FRMPD1: variants seen among roughly 807,000 people sequenced by gnomAD.
The protein encoded by FRMPD1 is FERM and PDZ domain containing 1.
Under a neutral mutation model 117.8 loss-of-function variants are expected in FRMPD1, and 76 were observed. The ratio of observed to expected loss-of-function variants is 0.65; its 90% CI spans 0.54 to 0.78. The LOEUF is 0.78. Ranked by LOEUF, FRMPD1 falls within the 30% of genes least tolerant of loss-of-function variation. The probability of loss-of-function intolerance (pLI) is 0.00; values close to 1 mark genes in which losing one functional copy is unlikely to be tolerated. For missense variants in FRMPD1, 1,786 were observed against 1,964.5 expected (o/e 0.91, Z 1.72); for synonymous variants, 783 against 770.4 (o/e 1.02, Z -0.27).
chr9:37,708,970 G>T (rs556440225), intron 4 of FRMPD1, among the ~76,000 whole-genome samples: 2 of 152,226 alleles, frequency 1.3e-5, no homozygotes, highest in Admixed American at 6.5e-5. Flanking sequence ...CATTGATGTA[G>T]CACCTCCAAA....
chr9:37,743,619 C>T (rs1483052309), intron 15 of FRMPD1, among the ~76,000 whole-genome samples: 1 of 138,386 alleles, frequency 7.2e-6, no homozygotes, highest in African/African-American at 2.6e-5. Flanking sequence ...GTGGACAGAG[C>T]ATCTTCGTGA....
In FRMPD1 at chr9:37,731,834, C is replaced by A. The variant is rs1588965393; in HGVS notation, c.859-470C>A. 2.0e-5 allele frequency among the ~76,000 whole-genome samples: 3 copies of A among 151,814 alleles called. 1 individual carries two copies. The Middle Eastern group carries it at 0.01, about 516-fold the overall frequency. ...TTTGCATTGAGCCAAGATCATGCCA[C>A]TGCACTCCAGCCTGGGTGACAGAGC... On this transcript the variant is annotated intron_variant, in intron 9 of 15. Transcript: ENST00000377765.
At chr9:37,685,426 A>G (rs549894737) in intron 1 of FRMPD1, among the ~76,000 whole-genome samples, 159 of 152,166 alleles carry the variant, frequency 1.0e-3, no homozygotes, top group African/African-American at 1.3e-3. Flanking sequence ...GGCGGATCAC[A>G]AAGTCAGGAG....
intron 1 of FRMPD1, among the ~76,000 whole-genome samples, chr9:37,655,604 A>G (rs903232758): frequency 1.3e-5 from 2 of 149,628 alleles, no homozygotes; most frequent in African/African-American, 4.9e-5. Flanking sequence ...CCCGGGTTCA[A>G]GCAATTGCCC....
intron 15 of FRMPD1, among the ~76,000 whole-genome samples, chr9:37,742,487 T>G (rs1291675648): frequency 6.6e-6 from 1 of 152,258 alleles, no homozygotes; most frequent in East Asian, 1.9e-4. Context: ...GGCCCCTGAC[T>G]GACTATTGGA....
At chr9:37,653,022 G>T (rs774824260) in intron 1 of FRMPD1, among the ~76,000 whole-genome samples, 2 of 150,758 alleles carry the variant, frequency 1.3e-5, no homozygotes, top group Non-Finnish European at 3.0e-5. Flanking sequence ...GCAAGGAACT[G>T]GTGAGAGCTG....
intron 1 of FRMPD1, among the ~76,000 whole-genome samples, chr9:37,667,034 A>G (rs554186552): frequency 6.8e-6 from 1 of 147,968 alleles, no homozygotes; most frequent in African/African-American, 2.5e-5. Flanking sequence ...CTGGGGAGAC[A>G]TGGGAAAAGA....
intron 1 of FRMPD1, among the ~76,000 whole-genome samples, chr9:37,654,222 G>T (rs1248898218): frequency 6.6e-6 from 1 of 152,220 alleles, no homozygotes; most frequent in Non-Finnish European, 1.5e-5. Flanking sequence ...ACTACAGGTT[G>T]TGCCAAAGGC....
At chr9:37,611,510 AT>A in the FRMPD1 span, among the ~76,000 whole-genome samples, 2 of 152,252 alleles carry the variant, frequency 1.3e-5, no homozygotes, top group African/African-American at 4.8e-5. Flanking sequence ...ATCACTAAAA[AT>A]GTCTTGTGCA....
chr9:37,616,141 CAG>C, the FRMPD1 span, among the ~76,000 whole-genome samples: 8 of 78,054 alleles, frequency 1.0e-4, no homozygotes, highest in South Asian at 3.3e-3. Flanking sequence ...TTTTTTTTGA[CAG>C]AGTCTTACTC....
chr9:37,723,585 T>C (rs1161945837), intron 6 of FRMPD1, among the ~76,000 whole-genome samples: 3 of 152,212 alleles, frequency 2.0e-5, no homozygotes, highest in Non-Finnish European at 4.4e-5. Context: ...AGGCCAGGCA[T>C]GGTGGCTCAC....
At chr9:37,712,991 A>T (rs1432426499) in intron 5 of FRMPD1, among the ~76,000 whole-genome samples, 5 of 151,952 alleles carry the variant, frequency 3.3e-5, no homozygotes, top group Admixed American at 1.3e-4. Context: ...TGACATATAT[A>T]AAAAAATAAC....
At chr9:37,743,925 C>T (rs147570009) in intron 15 of FRMPD1, among the ~76,000 whole-genome samples, 153 of 150,218 alleles carry the variant, frequency 1.0e-3, no homozygotes, top group African/African-American at 3.6e-3. Flanking sequence ...GTCGGCCAGG[C>T]GCGGTGGCTC....
At chr9:37,611,377 G>A in the FRMPD1 span, among the ~76,000 whole-genome samples, 2 of 152,130 alleles carry the variant, frequency 1.3e-5, no homozygotes, top group Non-Finnish European at 2.9e-5. Flanking sequence ...CAAAGGACTC[G>A]AAATCTCCCA....
chr9:37,651,355 A>G (rs907907302), intron 1 of FRMPD1, among the ~76,000 whole-genome samples: 1 of 152,164 alleles, frequency 6.6e-6, no homozygotes, highest in African/African-American at 2.4e-5. Context: ...TAGTGAGTGG[A>G]AACAGCGGCA....
chr9:37,727,245 C>T (rs1420073520), intron 7 of FRMPD1, among the ~76,000 whole-genome samples: 1 of 152,108 alleles, frequency 6.6e-6, no homozygotes, highest in African/African-American at 2.4e-5. Context: ...ATGCCCAGTA[C>T]AAGGCTTAGA....
Position 37,740,570 on chromosome 9 carries a change from A to G in FRMPD1, c.2042A>G (p.Glu681Gly). ...GAGTTTTCCGAGAGTGCTGCTTTGG[A>G]GACATTTGGCTGGGCACCAGAACTG... is the stretch of plus-strand genomic sequence containing the variant. ...KTEFSESAALETFGWAPELST... is the reference protein window; with the variant it reads ...KTEFSESAALGTFGWAPELST... Residue 681 changes from glutamate (E) to glycine (G), a missense_variant, in exon 15 of 16, where the codon GAG becomes GGG. Physicochemically the swap from Glu to Gly is moderately conservative, Grantham distance 98. Transcript: ENST00000377765. This position sits in a 1 kb window ranked among gnomAD's most constrained non-coding sequence, Gnocchi z 4.2. 1 of 1,614,148 alleles carries G rather than the reference A, an allele frequency of 6.2e-7. No individual in the cohort carries two copies. Among genetic ancestry groups the G allele is most frequent in the Non-Finnish European group, 8.5e-7 (1 of 1,180,008 alleles).
At chr9:37,710,883 G>A (rs769747842) in intron 4 of FRMPD1, among the ~76,000 whole-genome samples, 4 of 151,096 alleles carry the variant, frequency 2.6e-5, no homozygotes, top group African/African-American at 7.3e-5. Flanking sequence ...CTTTGAACCC[G>A]GGAGGCGGAG....
the FRMPD1 span, among the ~76,000 whole-genome samples, chr9:37,632,769 C>T: frequency 6.6e-6 from 1 of 151,998 alleles, no homozygotes; most frequent in East Asian, 1.9e-4. Context: ...CTTAGTGCAA[C>T]TTGTGAGTGG....
Sources: gnomAD v4.1 joint callset for allele counts (sites outside exome capture counted in the v4.1 genomes callset) on GRCh38, gnomAD v4.1.1 for gene constraint, Gnocchi (gnomAD v3.1) non-coding constraint, MANE v1.5 for transcripts, NCBI Gene and HGNC (gene_info 2026-07-23, HGNC 2026-07-21) for gene names.